NT5DC3: variants seen among roughly 807,000 people sequenced by gnomAD.
NT5DC3 encodes the protein 5'-nucleotidase domain containing 3, also known as 5'-nucleotidase domain-containing protein 3.
A neutral mutation model predicts 67.8 loss-of-function variants in NT5DC3; 42 were observed. The ratio of observed to expected loss-of-function variants is 0.62; its 90% CI spans 0.48 to 0.80. The LOEUF (loss-of-function observed/expected upper bound fraction) is 0.80. NT5DC3 is among the 30% of genes least tolerant of loss of function. The pLI, the probability that NT5DC3 is intolerant of heterozygous loss-of-function variation, is 0.00. For missense variants in NT5DC3, 570 were observed against 696.4 expected (o/e 0.82, Z 2.04); for synonymous variants, 237 against 255.6 (o/e 0.93, Z 0.69).
chr12:103,789,327 G>A (rs1885937395), intron 9 of NT5DC3, among the ~76,000 whole-genome samples: 1 of 152,180 alleles, frequency 6.6e-6, no homozygotes, highest in South Asian at 2.1e-4. Context: ...AACAGGCTGA[G>A]GCAGGAGAAT....
the NT5DC3 span, among the ~76,000 whole-genome samples, chr12:103,752,003 G>A: frequency 2.0e-5 from 3 of 152,118 alleles, no homozygotes; most frequent in South Asian, 2.1e-4. Context: ...TCATAGGAGG[G>A]CAAACTGCCT....
Position 103,841,128 on chromosome 12 carries a change from GC to G in NT5DC3, c.28del (p.Ala10HisfsTer44). 1.1e-6 allele frequency: 1 copy of G among 906,036 alleles called. No individual in the cohort carries two copies. Among genetic ancestry groups the G allele is most frequent in the Non-Finnish European group, 1.5e-6 (1 of 671,374 alleles). The allele number at this position is 906,036 out of a possible 1,614,324, so 56.1% of individuals were successfully genotyped here. MTMAAAAVV[A>X]RGAGARAATA... ...CGCTGCCCTCGCCCCGGCCCCGCGT[GC>G]CACCACCGCCGCCGCTGCCATGGTC... is the stretch of plus-strand genomic sequence containing the variant. On this transcript the variant is annotated frameshift_variant, in exon 1 of 14. Transcript: ENST00000392876. LOFTEE classifies it high-confidence loss of function.
At chr12:103,785,880 G>C (rs559610699) in intron 11 of NT5DC3, 23 of 375,920 alleles carry the variant, frequency 6.1e-5, no homozygotes, top group African/African-American at 4.7e-4. Context: ...GGGTTATGGA[G>C]AACCATGGAA....
At chr12:103,815,612 G>C (rs1887219124) in intron 1 of NT5DC3, among the ~76,000 whole-genome samples, 1 of 151,942 alleles carries the variant, frequency 6.6e-6, no homozygotes, top group Admixed American at 6.6e-5. Context: ...TGTAGAGACA[G>C]GGTCTCCCTG....
intron 1 of NT5DC3, among the ~76,000 whole-genome samples, chr12:103,826,078 T>C (rs1887683258): frequency 6.6e-6 from 1 of 152,160 alleles, no homozygotes; most frequent in Non-Finnish European, 1.5e-5. Context: ...AAGTAGGTGC[T>C]TCCTAACTGT....
At chr12:103,787,648 T>G in intron 10 of NT5DC3, 121 bp from the exon 11 acceptor site, 1 of 523,664 alleles carries the variant, frequency 1.9e-6, no homozygotes, top group Non-Finnish European at 3.3e-6. Context: ...TATCAAAATA[T>G]AAAGATAAAA....
Position 103,831,357 on chromosome 12 carries a change from A to T in NT5DC3, c.208+9592T>A, listed in dbSNP as rs551923633. ...CCCAGCCATGTGGAACTGTGAGTCA[A>T]TTAAACCACTTTCTTTATAAATTAC... On this transcript the variant is annotated intron_variant, in intron 1 of 13. Coordinates refer to ENST00000392876, the MANE Select transcript of NT5DC3 (RefSeq NM_001031701.3). 1.2e-4 allele frequency among the ~76,000 whole-genome samples: 19 copies of T among 152,328 alleles called. No individual in the cohort carries two copies. In the South Asian group the frequency reaches 3.9e-3, roughly 32 times the overall value.
chr12:103,824,058 C>T (rs1055849654), intron 1 of NT5DC3, among the ~76,000 whole-genome samples: 3 of 152,186 alleles, frequency 2.0e-5, no homozygotes, highest in African/African-American at 7.2e-5. Context: ...GATCATAATG[C>T]AATTTCACAT....
intron 4 of NT5DC3, among the ~76,000 whole-genome samples, chr12:103,801,645 T>C (rs1886588573): frequency 6.6e-6 from 1 of 152,084 alleles, no homozygotes; most frequent in South Asian, 2.1e-4. Context: ...CCTCCCAAAG[T>C]GCTGGGATTA....
chr12:103,748,582 CACCACACACACACACACACACA>C, the NT5DC3 span, among the ~76,000 whole-genome samples: 1 of 114,490 alleles, frequency 8.7e-6, no homozygotes, highest in African/African-American at 4.0e-5. Flanking sequence ...ACTAACTCTA[CACCACACACACACACACACACA>C]TACACACACA....
intron 12 of NT5DC3, among the ~76,000 whole-genome samples, chr12:103,783,611 C>G (rs1211190232): frequency 6.6e-6 from 1 of 152,056 alleles, no homozygotes; most frequent in Non-Finnish European, 1.5e-5. Flanking sequence ...AGTTTTCTCT[C>G]CTGCAAAATG....
chr12:103,835,685 T>TA (rs1008853076), intron 1 of NT5DC3, among the ~76,000 whole-genome samples: 7 of 152,260 alleles, frequency 4.6e-5, no homozygotes, highest in Admixed American at 4.6e-4. Flanking sequence ...AAGCACACAC[T>TA]AAAAATCTCC....
intron 1 of NT5DC3, among the ~76,000 whole-genome samples, chr12:103,838,984 C>T (rs996474511): frequency 5.9e-5 from 9 of 152,288 alleles, no homozygotes; most frequent in African/African-American, 1.9e-4. Flanking sequence ...ATGGGTGGGG[C>T]TATAAAGACC....
Position 103,830,353 on chromosome 12 carries a change from T to A in NT5DC3, c.208+10596A>T, listed in dbSNP as rs116877869. The stretch of plus-strand genomic sequence containing the variant: ...TATGATATTCTCTTTGTCTTTTGTA[T>A]ATATTACTTCTTATTCATACTGCTT... On this transcript the variant is annotated intron_variant, in intron 1 of 13. Transcript: ENST00000392876. Among the ~76,000 whole-genome samples the A allele has an allele frequency of 8.3e-3, 1,257 of 152,326 alleles. 8 individuals carry two copies. Among genetic ancestry groups the A allele is most frequent in the Non-Finnish European group, 0.014 (925 of 68,030 alleles).
intron 2 of NT5DC3, among the ~76,000 whole-genome samples, chr12:103,807,284 C>G (rs1221066183): frequency 6.6e-6 from 1 of 152,208 alleles, no homozygotes; most frequent in Non-Finnish European, 1.5e-5. Context: ...TCAATCTCCA[C>G]CCATCACTCC....
chr12:103,820,781 C>T (rs1887458754), intron 1 of NT5DC3: 1 of 152,240 alleles, frequency 6.6e-6, no homozygotes, highest in African/African-American at 2.4e-5. Context: ...GCATTACTTG[C>T]TCTCATCGTT....
At chr12:103,754,389 GT>G in the NT5DC3 span, among the ~76,000 whole-genome samples, 1 of 152,106 alleles carries the variant, frequency 6.6e-6, no homozygotes, top group Non-Finnish European at 1.5e-5. Context: ...TGCCAGCTGT[GT>G]GACTTTGAGC....
chr12:103,801,598 G>T, intron 4 of NT5DC3, among the ~76,000 whole-genome samples: 1 of 151,752 alleles, frequency 6.6e-6, no homozygotes. Flanking sequence ...AGCCAGGATG[G>T]TCTTGATCTC....
At chr12:103,802,733 T>G (rs1440286499) in intron 4 of NT5DC3, among the ~76,000 whole-genome samples, 8 of 152,172 alleles carry the variant, frequency 5.3e-5, no homozygotes, top group African/African-American at 1.7e-4. Context: ...GTCTGTGGAC[T>G]GTACCATTAG....
Sources: allele counts gnomAD v4.1 joint callset (sites outside exome capture counted in the v4.1 genomes callset), GRCh38; gene constraint gnomAD v4.1.1; transcripts MANE v1.5; gene names NCBI Gene and HGNC (gene_info 2026-07-23, HGNC 2026-07-21).